Variants in FGF23 observed in about 807,000 individuals in gnomAD.
FGF23 encodes the protein fibroblast growth factor 23, also known as phosphatonin.
A neutral mutation model predicts 9.0 loss-of-function variants in FGF23; 8 were observed. The observed-to-expected ratio is 0.89, with a 90% CI of 0.52 to 1.60. FGF23 has a LOEUF of 1.60. FGF23 is among the 40% of genes most tolerant of loss of function. The probability of loss-of-function intolerance (pLI) is 0.00; values close to 1 mark genes in which losing one functional copy is unlikely to be tolerated. For synonymous variants in FGF23, 118 were observed against 146.2 expected (o/e 0.81, Z 1.39); for missense variants, 311 against 344.3 (o/e 0.90, Z 0.77).
Position 4,368,902 on chromosome 12 carries a change from T to C in FGF23, c.*1441A>G. 4.5e-6 allele frequency: 1 copy of C among 221,434 alleles called. No homozygotes were observed. Among genetic ancestry groups the C allele is most frequent in the South Asian group, 1.8e-4 (1 of 5,410 alleles). The allele number at this position is 221,434 out of a possible 1,614,324, so 13.7% of individuals were successfully genotyped here. ...ACATTTCTCTCATAACCAAAAAGAA[T>C]AGATCAAAGTATAAGGTTAGTATGT... is the stretch of plus-strand genomic sequence containing the variant. On this transcript the variant is annotated 3_prime_UTR_variant, in exon 3 of 3. Coordinates refer to ENST00000237837, the MANE Select transcript of FGF23 (RefSeq NM_020638.3).
At position 4,369,464 on chromosome 12, in the gene FGF23, A is replaced by G; in HGVS notation, c.*879T>C. ...GGAATTTATTTCCATTTTGAAAAGCAAATTCTAGCAGGGCAGATTTTCGTG... is the reference window on the plus strand; with the variant it reads ...GGAATTTATTTCCATTTTGAAAAGCGAATTCTAGCAGGGCAGATTTTCGTG... On this transcript the variant is annotated 3_prime_UTR_variant, in exon 3 of 3. Coordinates refer to ENST00000237837, the MANE Select transcript of FGF23 (RefSeq NM_020638.3). 4.4e-6 allele frequency: 1 copy of G among 229,472 alleles called. No homozygotes were observed. The allele number at this position is 229,472 out of a possible 1,614,324, so 14.2% of individuals were successfully genotyped here.
chr12:4,374,963 AAATACATGCTGCAGGC>A (rs1223582479), intron 1 of FGF23, among the ~76,000 whole-genome samples: 11 of 152,146 alleles, frequency 7.2e-5, no homozygotes, highest in African/African-American at 2.7e-4. Context: ...TCAAATGCTA[AAATACATGCTGCAGGC>A]AGTGAGGACA....
chr12:4,379,333 A>G (rs1427323006), intron 1 of FGF23, 39 bp downstream of exon 1: 1 of 1,575,334 alleles, frequency 6.3e-7, no homozygotes, highest in South Asian at 1.1e-5. Context: ...ATGGACAACA[A>G]GGGTGCTCCC....
chr12:4,369,345 G>A lies in FGF23; in HGVS notation c.*998C>T. On this transcript the variant is annotated 3_prime_UTR_variant, in exon 3 of 3. Transcript: ENST00000237837. ...CCCAGAGCAGTCCCAGTCTCTCAAA[G>A]CCCCCTTCCCAGTCACATTTTTGTA... is the stretch of plus-strand genomic sequence containing the variant. The A allele has an allele frequency of 4.3e-6, 1 of 231,658 alleles. No homozygotes were observed. Among genetic ancestry groups the A allele is most frequent in the Non-Finnish European group, 8.5e-6 (1 of 117,084 alleles). The allele number at this position is 231,658 out of a possible 1,614,324, so 14.4% of individuals were successfully genotyped here.
chr12:4,375,866 C>G (rs1325953206), intron 1 of FGF23, among the ~76,000 whole-genome samples: 1 of 152,198 alleles, frequency 6.6e-6, no homozygotes, highest in Non-Finnish European at 1.5e-5. Flanking sequence ...ACTATTACCA[C>G]TTTGCTTCAA....
intron 1 of FGF23, among the ~76,000 whole-genome samples, chr12:4,377,233 G>A (rs927879323): frequency 7.9e-5 from 12 of 151,958 alleles, no homozygotes; most frequent in South Asian, 2.1e-4. Flanking sequence ...CACCGTAGCC[G>A]GCCTGTTCTG....
intron 1 of FGF23, 36 bp from the exon 2 acceptor site, chr12:4,372,733 C>G (rs771244854): frequency 6.7e-6 from 9 of 1,346,870 alleles, no homozygotes; most frequent in South Asian, 1.2e-5. Flanking sequence ...AGACTCATTG[C>G]CATCCAATTC....
At chr12:4,379,285 C>T (rs932986937) in intron 1 of FGF23, 87 bp downstream of exon 1, 10 of 1,188,262 alleles carry the variant, frequency 8.4e-6, no homozygotes, top group African/African-American at 1.5e-5. Flanking sequence ...TGGATTAGCC[C>T]TCCAGTCTAG....
At chr12:4,373,001 G>A (rs561812851) in intron 1 of FGF23, among the ~76,000 whole-genome samples, 11 of 152,228 alleles carry the variant, frequency 7.2e-5, no homozygotes, top group South Asian at 2.1e-4. Context: ...TACCTGGACC[G>A]TCTTTATTTT....
chr12:4,378,413 C>T (rs13312757), intron 1 of FGF23, among the ~76,000 whole-genome samples: 4,623 of 152,232 alleles, frequency 0.03, 250 homozygotes, highest in African/African-American at 0.11. Flanking sequence ...TGTTTTCTCA[C>T]GTTTTCTTAA....
chr12:4,376,624 C>T (rs192736752), intron 1 of FGF23, among the ~76,000 whole-genome samples: 1 of 152,126 alleles, frequency 6.6e-6, no homozygotes, highest in African/African-American at 2.4e-5. Flanking sequence ...GGGGTACAAG[C>T]GATTCTTCTG....
intron 2 of FGF23, 122 bp from the exon 3 acceptor site, chr12:4,370,905 G>A: frequency 1.2e-6 from 1 of 824,298 alleles, no homozygotes; most frequent in Non-Finnish European, 2.1e-6. Context: ...TTAGGGCGTT[G>A]AGCCTTCACC....
At position 4,370,394 on chromosome 12, in the gene FGF23, GT is replaced by G; in HGVS notation, c.704del (p.His235ProfsTer42). 1.2e-6 allele frequency: 2 copies of G among 1,613,670 alleles called. No homozygotes were observed. The highest frequency in any genetic ancestry group is 1.7e-6 in the Non-Finnish European group (2 of 1,179,998). The part of the protein sequence containing the change: ...GVVRGGRVNT[H>X]AGGTGPEGCR... Reference sequence around the variant, plus strand: ...AGCCTTCCGGGCCCGTTCCCCCAGCGTGCGTGTTCACTCGACCGCCCCTGAC... The same window carrying G: ...AGCCTTCCGGGCCCGTTCCCCCAGCGGCGTGTTCACTCGACCGCCCCTGAC... On this transcript the variant is annotated frameshift_variant, in exon 3 of 3. Transcript: ENST00000237837. LOFTEE classifies it low-confidence loss of function (END_TRUNC).
chr12:4,370,716 T>G lies in FGF23; in HGVS notation c.383A>C (p.His128Pro). ...QTLENGYDVY[H>P]SPQYHFLVSL... ...GACCAGGAAGTGATACTGAGGAGAG[T>G]GGTAGACGTCGTACCCGTTTTCCAG... The change falls in exon 3 of 3, where the codon CAC becomes CCC. Residue 128 changes from histidine (H) to proline (P), a missense_variant. Physicochemically the swap from His to Pro is moderately conservative, Grantham distance 77. Around this residue, in one of 3 missense-constraint regions of FGF23, gnomAD observed 206 missense variants for 219.2 expected, o/e 0.94. Coordinates refer to ENST00000237837, the MANE Select transcript of FGF23 (RefSeq NM_020638.3). The G allele has an allele frequency of 6.2e-7, 1 of 1,613,628 alleles. No homozygotes were observed. Among genetic ancestry groups the G allele is most frequent in the Non-Finnish European group, 8.5e-7 (1 of 1,179,910 alleles).
chr12:4,373,103 A>T (rs888753973), intron 1 of FGF23, among the ~76,000 whole-genome samples: 3 of 152,142 alleles, frequency 2.0e-5, no homozygotes, highest in African/African-American at 7.2e-5. Flanking sequence ...CTATGCTGAG[A>T]TGTCTTTCAA....
chr12:4,377,914 T>C (rs1363986989), intron 1 of FGF23, among the ~76,000 whole-genome samples: 1 of 152,216 alleles, frequency 6.6e-6, no homozygotes, highest in Non-Finnish European at 1.5e-5. Context: ...GTAGATCCTA[T>C]TAAATATCCA....
intron 2 of FGF23, among the ~76,000 whole-genome samples, chr12:4,371,029 C>G (rs995108889): frequency 6.6e-6 from 1 of 152,230 alleles, no homozygotes; most frequent in South Asian, 2.1e-4. Flanking sequence ...CCTGGAGGCC[C>G]GGGCTGGCCT....
At chr12:4,374,682 GGT>G (rs1253016293) in intron 1 of FGF23, among the ~76,000 whole-genome samples, 1 of 151,510 alleles carries the variant, frequency 6.6e-6, no homozygotes, top group Non-Finnish European at 1.5e-5. Flanking sequence ...TTTCTGTTCT[GGT>G]GACTTTTCAG....
chr12:4,376,005 A>T (rs981035604), intron 1 of FGF23, among the ~76,000 whole-genome samples: 1 of 152,230 alleles, frequency 6.6e-6, no homozygotes, highest in Non-Finnish European at 1.5e-5. Context: ...AGGCTGAAGG[A>T]GCTCAGCGGT....
Sources: gnomAD v4.1 joint callset for allele counts (sites outside exome capture counted in the v4.1 genomes callset) on GRCh38, gnomAD v4.1.1 for gene constraint, gnomAD v4.1.1 regional missense constraint, MANE v1.5 for transcripts, NCBI Gene and HGNC (gene_info 2026-07-23, HGNC 2026-07-21) for gene names.